The following BAZ2B variants were observed in gnomAD, a reference collection of about 807,000 sequenced individuals.
BAZ2B encodes bromodomain adjacent to zinc finger domain protein 2B.
BAZ2B carries 91 observed loss-of-function variants against 246.0 expected under a neutral mutation model. The observed-to-expected ratio is 0.37, with a 90% CI of 0.31 to 0.44. The LOEUF (loss-of-function observed/expected upper bound fraction) is 0.44. Among genes scored for constraint, BAZ2B ranks in the 20% least tolerant of loss-of-function variants. The probability of loss-of-function intolerance (pLI) is 1.00; values close to 1 mark genes in which losing one functional copy is unlikely to be tolerated. For missense variants in BAZ2B, 2,332 were observed against 2,533.7 expected (o/e 0.92, Z 1.71); for synonymous variants, 855 against 860.0 (o/e 0.99, Z 0.10).
the BAZ2B span, among the ~76,000 whole-genome samples, chr2:159,701,304 C>T: frequency 3.3e-5 from 5 of 152,028 alleles, no homozygotes; most frequent in Non-Finnish European, 5.9e-5. Context: ...TAGTTATAGA[C>T]ACAAACAGAA....
chr2:159,657,774 A>G, the BAZ2B span, among the ~76,000 whole-genome samples: 2 of 152,360 alleles, frequency 1.3e-5, no homozygotes, highest in East Asian at 3.9e-4. Flanking sequence ...TTGCTGGAAT[A>G]TAAGAAAGCA....
At chr2:159,706,701 C>T in the BAZ2B span, among the ~76,000 whole-genome samples, 1 of 152,220 alleles carries the variant, frequency 6.6e-6, no homozygotes, top group South Asian at 2.1e-4. Flanking sequence ...TCTGTCACAA[C>T]TACTAAACTG....
At chr2:159,469,130 A>G (rs2077463146) in intron 3 of BAZ2B, among the ~76,000 whole-genome samples, 1 of 151,724 alleles carries the variant, frequency 6.6e-6, no homozygotes, top group Non-Finnish European at 1.5e-5. Context: ...TGAGAGAAAA[A>G]AAACAGAAAA....
At chr2:159,669,482 GA>G in the BAZ2B span, among the ~76,000 whole-genome samples, 1 of 151,906 alleles carries the variant, frequency 6.6e-6, no homozygotes, top group Non-Finnish European at 1.5e-5. Flanking sequence ...TGTCTTTATA[GA>G]TTTTTTTTTT....
intron 27 of BAZ2B, among the ~76,000 whole-genome samples, chr2:159,357,762 A>G (rs1484998559): frequency 2.6e-5 from 4 of 152,232 alleles, no homozygotes; most frequent in Admixed American, 6.5e-5. Flanking sequence ...CTAACAGTAG[A>G]TCTCTCTGCA....
At chr2:159,572,063 A>G (rs1391522700) in intron 1 of BAZ2B, among the ~76,000 whole-genome samples, 1 of 152,182 alleles carries the variant, frequency 6.6e-6, no homozygotes, top group African/African-American at 2.4e-5. Flanking sequence ...CCCCCATAAA[A>G]ACCACTAAAT....
chr2:159,581,586 G>C (rs1256267867), intron 1 of BAZ2B, among the ~76,000 whole-genome samples: 2 of 152,090 alleles, frequency 1.3e-5, no homozygotes, highest in Non-Finnish European at 2.9e-5. Flanking sequence ...ACACCCAAAG[G>C]ATTATAAATC....
chr2:159,554,609 A>G (rs2088818720), intron 2 of BAZ2B, among the ~76,000 whole-genome samples: 1 of 152,104 alleles, frequency 6.6e-6, no homozygotes. Context: ...TTCAAAAAAA[A>G]AAGATTGAAC....
intron 2 of BAZ2B, among the ~76,000 whole-genome samples, chr2:159,546,005 T>C (rs1470307462): frequency 3.2e-4 from 48 of 152,192 alleles, no homozygotes; most frequent in Admixed American, 3.1e-3. Context: ...AAGCTATGAA[T>C]AGCACATTTC....
chr2:159,389,449 T>C lies in BAZ2B; in HGVS notation c.3112A>G (p.Lys1038Glu). ...ERLKQEKRDEKRLNKERKLEQ... is the reference protein window; with the variant it reads ...ERLKQEKRDEERLNKERKLEQ... ...AGTTTACGCTCTTTATTTAATCTTT[T>C]CTCATCACGTTTTTCTTGTTTCAAC... Residue 1038 changes from lysine (K) to glutamate (E), a missense_variant, in exon 21 of 37, where the codon AAA becomes GAA. Physicochemically the swap from Lys to Glu is moderately conservative, Grantham distance 56. This residue lies in a region of BAZ2B where 328 missense variants were observed against 410.4 expected (regional missense o/e 0.80). Coordinates refer to ENST00000392783, the MANE Select transcript of BAZ2B (RefSeq NM_013450.4). The C allele has an allele frequency of 6.2e-7, 1 of 1,609,380 alleles. No individual in the cohort carries two copies. Among genetic ancestry groups the C allele is most frequent in the Non-Finnish European group, 8.5e-7 (1 of 1,178,330 alleles).
the BAZ2B span, among the ~76,000 whole-genome samples, chr2:159,633,781 C>T: frequency 5.5e-5 from 8 of 146,640 alleles, 1 homozygote; most frequent in Non-Finnish European, 8.9e-5. Flanking sequence ...CACTCCGTCA[C>T]CCAGGCTGGA....
At chr2:159,563,294 T>C (rs1284475734) in intron 1 of BAZ2B, among the ~76,000 whole-genome samples, 2 of 152,186 alleles carry the variant, frequency 1.3e-5, no homozygotes, top group African/African-American at 2.4e-5. Context: ...TGGTCCTTAC[T>C]CAGAATTTTG....
At chr2:159,577,672 T>C (rs1456462984) in intron 1 of BAZ2B, among the ~76,000 whole-genome samples, 1 of 152,114 alleles carries the variant, frequency 6.6e-6, no homozygotes, top group African/African-American at 2.4e-5. Context: ...TGAAAAATAA[T>C]AACAATTATG....
chr2:159,706,455 T>C, the BAZ2B span, among the ~76,000 whole-genome samples: 1 of 152,214 alleles, frequency 6.6e-6, no homozygotes. Context: ...AAAAAAAATG[T>C]AGTCTGAAAT....
the BAZ2B span, among the ~76,000 whole-genome samples, chr2:159,652,997 G>A: frequency 6.6e-6 from 1 of 151,144 alleles, no homozygotes. Context: ...GAGTGCAGGG[G>A]TGCCATCTCA....
chr2:159,426,032 A>G (rs992407046), intron 13 of BAZ2B, among the ~76,000 whole-genome samples: 2 of 152,180 alleles, frequency 1.3e-5, no homozygotes, highest in Non-Finnish European at 2.9e-5. Context: ...TTTTGGTTTT[A>G]GCTAAAAGAA....
At chr2:159,572,718 ATT>A (rs959362870) in intron 1 of BAZ2B, among the ~76,000 whole-genome samples, 1 of 152,114 alleles carries the variant, frequency 6.6e-6, no homozygotes, top group African/African-American at 2.4e-5. Context: ...TTGCTTTTAT[ATT>A]TTACAATTAT....
chr2:159,530,993 C>T (rs1003107160), intron 2 of BAZ2B, among the ~76,000 whole-genome samples: 1 of 147,428 alleles, frequency 6.8e-6, no homozygotes, highest in African/African-American at 2.4e-5. Context: ...AAACAAAAAG[C>T]AAATTAAAAT....
chr2:159,404,876 T>C lies in BAZ2B; in HGVS notation c.2805A>G (p.Lys935=), dbSNP rs11551108. Reference sequence around the variant, plus strand: ...GCTGTTTCATAATCTTTATCTGTTCTTTTTGCTTCCGCTTCTCCTCAGCAG... The same window carrying C: ...GCTGTTTCATAATCTTTATCTGTTCCTTTTGCTTCCGCTTCTCCTCAGCAG... ...IMAAEEKRKQ[K]EQIKIMKQQE... Residue 935 remains lysine, a synonymous_variant, in exon 16 of 37, where the codon AAA becomes AAG. Coordinates refer to ENST00000392783, the MANE Select transcript of BAZ2B (RefSeq NM_013450.4). 0.032 allele frequency: 52,368 copies of C among 1,613,090 alleles called. 1,073 individuals carry two copies. Among genetic ancestry groups the C allele is most frequent in the Non-Finnish European group, 0.038 (45,112 of 1,179,692 alleles).
Sources: gnomAD v4.1 joint callset for allele counts (sites outside exome capture counted in the v4.1 genomes callset) on GRCh38, gnomAD v4.1.1 for gene constraint, gnomAD v4.1.1 regional missense constraint, MANE v1.5 for transcripts, NCBI Gene and HGNC (gene_info 2026-07-23, HGNC 2026-07-21) for gene names.